Variants in ZNF804A observed in about 807,000 individuals in gnomAD.
The protein encoded by ZNF804A is zinc finger protein 804A.
ZNF804A carries 2 observed loss-of-function variants against 16.5 expected under a neutral mutation model. That is an observed-to-expected ratio of 0.12 (90% CI 0.05 to 0.38). The LOEUF (loss-of-function observed/expected upper bound fraction) is 0.38, where lower values mean the gene tolerates loss of function less well. ZNF804A is among the 10% of genes least tolerant of loss of function. The probability of loss-of-function intolerance (pLI) is 0.99; values close to 1 mark genes in which losing one functional copy is unlikely to be tolerated. For missense variants in ZNF804A, 1,473 were observed against 1,390.7 expected (o/e 1.06, Z -0.94); for synonymous variants, 534 against 489.6 (o/e 1.09, Z -1.20).
intron 1 of ZNF804A, among the ~76,000 whole-genome samples, chr2:184,621,825 G>C (rs1254829725): frequency 6.6e-6 from 1 of 151,370 alleles, no homozygotes; most frequent in Non-Finnish European, 1.5e-5. Context: ...TAATTTGAAG[G>C]CCTTCTTAAT....
intron 1 of ZNF804A, among the ~76,000 whole-genome samples, chr2:184,640,363 C>G (rs569410922): frequency 1.5e-4 from 23 of 151,246 alleles, no homozygotes; most frequent in Admixed American, 3.9e-4. Context: ...TCTTTTTTTT[C>G]AAATTTTAAA....
chr2:184,814,563 G>A (rs1422619339), intron 1 of ZNF804A, among the ~76,000 whole-genome samples: 1 of 151,980 alleles, frequency 6.6e-6, no homozygotes, highest in Non-Finnish European at 1.5e-5. Flanking sequence ...CCACATTATA[G>A]GAAATGAGAA....
intron 2 of ZNF804A, among the ~76,000 whole-genome samples, chr2:184,931,450 T>C (rs1042100212): frequency 6.6e-6 from 1 of 152,222 alleles, no homozygotes; most frequent in Non-Finnish European, 1.5e-5. Flanking sequence ...ACACCATGTG[T>C]AAGCCACCAA....
intron 2 of ZNF804A, among the ~76,000 whole-genome samples, chr2:184,891,036 C>T (rs1171468418): frequency 6.6e-6 from 1 of 151,998 alleles, no homozygotes; most frequent in African/African-American, 2.4e-5. Flanking sequence ...AAATAGTGAG[C>T]AATACAACCA....
chr2:184,734,391 A>T (rs1317688701), intron 1 of ZNF804A, among the ~76,000 whole-genome samples: 3 of 152,214 alleles, frequency 2.0e-5, no homozygotes, highest in South Asian at 2.1e-4. Context: ...TCAAAATATT[A>T]AAAAAATTCT....
chr2:184,621,905 A>T (rs999743082), intron 1 of ZNF804A, among the ~76,000 whole-genome samples: 1 of 151,878 alleles, frequency 6.6e-6, no homozygotes, highest in Non-Finnish European at 1.5e-5. Context: ...GCAATCTGCA[A>T]TGAAAACATC....
chr2:184,715,089 C>A (rs1332405442), intron 1 of ZNF804A, among the ~76,000 whole-genome samples: 1 of 152,084 alleles, frequency 6.6e-6, no homozygotes, highest in Non-Finnish European at 1.5e-5. Context: ...TAAGGAAAAT[C>A]TTGGACACTT....
At chr2:184,713,179 A>G (rs1179404938) in intron 1 of ZNF804A, among the ~76,000 whole-genome samples, 2 of 151,676 alleles carry the variant, frequency 1.3e-5, no homozygotes, top group South Asian at 2.1e-4. Context: ...ACCTTAACCA[A>G]TCAGCCAAGT....
intron 2 of ZNF804A, among the ~76,000 whole-genome samples, chr2:184,927,889 T>C (rs920934100): frequency 6.6e-6 from 1 of 152,166 alleles, no homozygotes; most frequent in African/African-American, 2.4e-5. Context: ...GGCTCCCCTC[T>C]GGCCCAAGGC....
chr2:184,831,954 G>A (rs1695267431), intron 1 of ZNF804A, among the ~76,000 whole-genome samples: 1 of 151,920 alleles, frequency 6.6e-6, no homozygotes, highest in African/African-American at 2.4e-5. Context: ...CACGTGAGTG[G>A]AAACGAGTTT....
At chr2:184,612,651 T>C (rs560836400) in intron 1 of ZNF804A, among the ~76,000 whole-genome samples, 1 of 152,158 alleles carries the variant, frequency 6.6e-6, no homozygotes, top group Non-Finnish European at 1.5e-5. Flanking sequence ...GTCAGGCTGA[T>C]CTTGAACTTC....
intron 1 of ZNF804A, among the ~76,000 whole-genome samples, chr2:184,737,688 T>C (rs1693649471): frequency 6.6e-6 from 1 of 152,204 alleles, no homozygotes; most frequent in African/African-American, 2.4e-5. Context: ...GTGTTATAAA[T>C]ATTCATATGG....
intron 2 of ZNF804A, chr2:184,902,338 AC>A (rs1303670504): frequency 6.4e-6 from 1 of 155,142 alleles, no homozygotes; most frequent in Non-Finnish European, 1.4e-5. Flanking sequence ...GTCAGGGGGA[AC>A]TTGATGATGG....
intron 1 of ZNF804A, among the ~76,000 whole-genome samples, chr2:184,766,471 A>C (rs1044060052): frequency 6.6e-6 from 1 of 151,926 alleles, no homozygotes; most frequent in Admixed American, 6.6e-5. Context: ...CATAAATATT[A>C]AAGAGTCTAA....
chr2:184,669,867 A>G (rs555825116), intron 1 of ZNF804A, among the ~76,000 whole-genome samples: 1 of 152,112 alleles, frequency 6.6e-6, no homozygotes, highest in Non-Finnish European at 1.5e-5. Context: ...AGTTAATTAC[A>G]TTTATCTGAC....
chr2:184,654,046 T>C lies in ZNF804A; in HGVS notation c.111+54976T>C, dbSNP rs140561618. 7.1e-3 allele frequency among the ~76,000 whole-genome samples: 1,080 copies of C among 152,336 alleles called. 12 individuals carry two copies. The highest frequency in any genetic ancestry group is 0.026 in the South Asian group (127 of 4,822). On this transcript the variant is annotated intron_variant, in intron 1 of 3. Transcript: ENST00000302277. The stretch of plus-strand genomic sequence containing the variant: ...GTGTGATAACTGCCAGACCATCACC[T>C]GATGGTCATCTGACATTCCTGGTGG...
intron 1 of ZNF804A, among the ~76,000 whole-genome samples, chr2:184,747,339 A>AAAAG (rs1559140587): frequency 1.3e-5 from 2 of 149,424 alleles, no homozygotes; most frequent in African/African-American, 4.9e-5. Flanking sequence ...AAAAAAAAAA[A>AAAAG]AAAGAAATGT....
intron 1 of ZNF804A, among the ~76,000 whole-genome samples, chr2:184,685,875 T>C (rs1692619830): frequency 6.6e-6 from 1 of 152,154 alleles, no homozygotes; most frequent in South Asian, 2.1e-4. Flanking sequence ...CATCCAGTCC[T>C]TAGCGCCCAG....
chr2:184,763,630 C>CTTTTTTTTTT (rs1188087789), intron 1 of ZNF804A, among the ~76,000 whole-genome samples: 1 of 21,256 alleles, frequency 4.7e-5, no homozygotes. Context: ...CTTCAAAGTG[C>CTTTTTTTTTT]TTTTTTTTTT....
Sources: gnomAD v4.1 joint callset for allele counts (sites outside exome capture counted in the v4.1 genomes callset) on GRCh38, gnomAD v4.1.1 for gene constraint, MANE v1.5 for transcripts, NCBI Gene and HGNC (gene_info 2026-07-23, HGNC 2026-07-21) for gene names.